The following FCHSD2 variants were observed in gnomAD, a reference collection of about 807,000 sequenced individuals.
FCHSD2 encodes F-BAR and double SH3 domains protein 2.
Under a neutral mutation model 108.1 loss-of-function variants are expected in FCHSD2, and 38 were observed. The observed-to-expected ratio is 0.35, with a 90% confidence interval of 0.27 to 0.46. The LOEUF (loss-of-function observed/expected upper bound fraction) is 0.46, where lower values mean the gene tolerates loss of function less well. FCHSD2 is among the 20% of genes least tolerant of loss of function. The pLI is 1.00. For synonymous variants in FCHSD2, 279 were observed against 314.7 expected (o/e 0.89, Z 1.20); for missense variants, 751 against 897.8 (o/e 0.84, Z 2.09).
At chr11:73,064,990 C>T (rs1032971712) in intron 3 of FCHSD2, among the ~76,000 whole-genome samples, 5 of 152,118 alleles carry the variant, frequency 3.3e-5, no homozygotes, top group Non-Finnish European at 5.9e-5. Context: ...AGAGGGAATC[C>T]TCCCTAACTC....
intron 8 of FCHSD2, among the ~76,000 whole-genome samples, chr11:72,958,519 A>AAAAAC (rs900386832): frequency 3.3e-5 from 5 of 152,356 alleles, no homozygotes; most frequent in East Asian, 1.9e-4. Context: ...TCCATCTCAA[A>AAAAAC]AAAACAAAAC....
At chr11:72,940,284 CAATACTG>C (rs879877286) in intron 8 of FCHSD2, among the ~76,000 whole-genome samples, 1 of 152,126 alleles carries the variant, frequency 6.6e-6, no homozygotes, top group Non-Finnish European at 1.5e-5. Context: ...ACTACACTTT[CAATACTG>C]AAGGGCCTTT....
At chr11:73,006,403 G>A (rs1333658126) in intron 4 of FCHSD2, among the ~76,000 whole-genome samples, 1 of 152,126 alleles carries the variant, frequency 6.6e-6, no homozygotes, top group East Asian at 1.9e-4. Context: ...TCTAGTAGTT[G>A]GCTCAAACCC....
At chr11:72,878,650 A>AAAATG (rs1339447084) in intron 12 of FCHSD2, among the ~76,000 whole-genome samples, 3 of 152,246 alleles carry the variant, frequency 2.0e-5, no homozygotes, top group Non-Finnish European at 4.4e-5. Flanking sequence ...TATGGAACTT[A>AAAATG]AAATGACAAC....
chr11:72,889,732 C>G (rs1855275163), intron 11 of FCHSD2, 97 bp downstream of exon 11: 1 of 706,896 alleles, frequency 1.4e-6, no homozygotes, highest in Non-Finnish European at 2.5e-6. Context: ...CAAAACAACA[C>G]ATATAGGATA....
Position 72,860,815 on chromosome 11 carries a change from T to C in FCHSD2, c.1308+7050A>G, listed in dbSNP as rs186514264. On this transcript the variant is annotated intron_variant, in intron 13 of 19. Coordinates refer to ENST00000409418, the MANE Select transcript of FCHSD2 (RefSeq NM_014824.3). ...CCTGAGTGACAGAGCAAGACTCTGT[T>C]TGAAAAAAAAAAAAATGTAAATTAG... Among the ~76,000 whole-genome samples the C allele has an allele frequency of 1.6e-4, 24 of 151,588 alleles. 1 individual carries two copies. The highest frequency in any genetic ancestry group is 1.2e-3 in the Admixed American group (19 of 15,238).
At chr11:72,945,020 T>A (rs1445650468) in intron 8 of FCHSD2, among the ~76,000 whole-genome samples, 1 of 152,138 alleles carries the variant, frequency 6.6e-6, no homozygotes, top group Non-Finnish European at 1.5e-5. Flanking sequence ...AAGCTACCAA[T>A]GACTTTCTCA....
intron 9 of FCHSD2, among the ~76,000 whole-genome samples, chr11:72,919,499 G>A (rs980557747): frequency 6.6e-6 from 1 of 152,194 alleles, no homozygotes; most frequent in Non-Finnish European, 1.5e-5. Flanking sequence ...ATGTGTGAGT[G>A]TGTAACCTCA....
At chr11:72,857,980 G>A (rs1427412946) in intron 13 of FCHSD2, among the ~76,000 whole-genome samples, 1 of 152,124 alleles carries the variant, frequency 6.6e-6, no homozygotes, top group African/African-American at 2.4e-5. Flanking sequence ...CAATGACCTC[G>A]TCTCTCTAAT....
chr11:72,984,175 G>T lies in FCHSD2; in HGVS notation c.618C>A (p.His206Gln). The change falls in exon 8 of 20, where the codon CAC (histidine) becomes CAA (glutamine). Residue 206 changes from histidine (H) to glutamine (Q), a missense_variant. Physicochemically the swap from His to Gln is conservative, Grantham distance 24 (BLOSUM62 0). Transcript: ENST00000409418. ...RRSECNSKAT[H>Q]ARNDYLLTLA... The stretch of plus-strand genomic sequence containing the variant: ...GGGTAAGAAGATAATCATTCCTTGC[G>T]TGGGTAGCTTTGGAATTACACTCAG... The T allele has an allele frequency of 6.2e-7, 1 of 1,613,434 alleles. No homozygotes were observed. The highest frequency in any genetic ancestry group is 8.5e-7 in the Non-Finnish European group (1 of 1,179,402).
intron 13 of FCHSD2, among the ~76,000 whole-genome samples, chr11:72,866,266 GTTTTGTTTT>G (rs1381421143): frequency 6.6e-6 from 1 of 151,510 alleles, no homozygotes; most frequent in South Asian, 2.1e-4. Context: ...TTTTTGTTTT[GTTTTGTTTT>G]TTTTGTTTTT....
intron 8 of FCHSD2, among the ~76,000 whole-genome samples, chr11:72,959,206 A>T (rs185964058): frequency 7.9e-4 from 101 of 128,452 alleles, no homozygotes; most frequent in Non-Finnish European, 1.3e-3. Flanking sequence ...TTTCCACTTC[A>T]TATATCCAGC....
intron 3 of FCHSD2, among the ~76,000 whole-genome samples, chr11:73,063,432 A>G (rs1859213611): frequency 6.6e-6 from 1 of 152,214 alleles, no homozygotes; most frequent in Non-Finnish European, 1.5e-5. Context: ...AAATTCACAC[A>G]TAACAATATT....
intron 3 of FCHSD2, among the ~76,000 whole-genome samples, chr11:73,053,145 CTTT>C (rs771262833): frequency 2.9e-5 from 3 of 102,928 alleles, no homozygotes; most frequent in Non-Finnish European, 6.2e-5. Context: ...TGCACCCAGC[CTTT>C]TTTTTTTTTT....
At chr11:72,965,284 T>C (rs955499996) in intron 8 of FCHSD2, among the ~76,000 whole-genome samples, 27 of 152,224 alleles carry the variant, frequency 1.8e-4, no homozygotes, top group Admixed American at 1.3e-3. Flanking sequence ...GTTGCCTCTA[T>C]ACTTGGAAAG....
intron 3 of FCHSD2, among the ~76,000 whole-genome samples, chr11:73,053,087 C>G (rs1000226809): frequency 5.3e-5 from 8 of 150,470 alleles, no homozygotes; most frequent in Non-Finnish European, 8.9e-5. Context: ...CTCAAGTGAT[C>G]TGCCCACCTC....
chr11:72,919,570 C>T (rs934436315), intron 9 of FCHSD2, among the ~76,000 whole-genome samples: 1 of 152,234 alleles, frequency 6.6e-6, no homozygotes, highest in East Asian at 1.9e-4. Context: ...ATGGTAATGG[C>T]GACCTCATGG....
At chr11:72,994,809 T>C (rs1857490608) in intron 5 of FCHSD2, among the ~76,000 whole-genome samples, 2 of 152,188 alleles carry the variant, frequency 1.3e-5, no homozygotes, top group Admixed American at 6.5e-5. Flanking sequence ...CTGTATCTTA[T>C]AGATGTAGTT....
intron 3 of FCHSD2, among the ~76,000 whole-genome samples, chr11:73,064,239 G>C (rs777080005): frequency 4.6e-5 from 7 of 152,116 alleles, no homozygotes; most frequent in Non-Finnish European, 8.8e-5. Context: ...TGAAACCAAT[G>C]AGAACAAAGA....
Sources: gnomAD v4.1 joint callset for allele counts (sites outside exome capture counted in the v4.1 genomes callset) on GRCh38, gnomAD v4.1.1 for gene constraint, MANE v1.5 for transcripts, NCBI Gene and HGNC (gene_info 2026-07-23, HGNC 2026-07-21) for gene names.